Variants in QKI observed in about 807,000 individuals in gnomAD.
QKI encodes the protein KH domain-containing RNA-binding protein QKI.
A neutral mutation model predicts 39.0 loss-of-function variants in QKI; 10 were observed. The ratio of observed to expected loss-of-function variants is 0.26; its 90% CI spans 0.16 to 0.43. The LOEUF (loss-of-function observed/expected upper bound fraction) is 0.43. Ranked by LOEUF, QKI falls within the 20% of genes least tolerant of loss-of-function variation. The pLI, the probability that QKI is intolerant of heterozygous loss-of-function variation, is 1.00. For synonymous variants in QKI, 204 were observed against 155.4 expected, an observed-to-expected ratio of 1.31 and a Z score of -2.33; for missense variants, 218 against 428.0, an observed-to-expected ratio of 0.51 and a Z score of 4.33.
At chr6:163,466,016 T>C (rs529080683) in intron 2 of QKI, among the ~76,000 whole-genome samples, 2 of 151,498 alleles carry the variant, frequency 1.3e-5, no homozygotes, top group African/African-American at 4.9e-5. Flanking sequence ...TCCCAGCTAC[T>C]TGGAAAGCTG....
At chr6:163,478,180 C>T (rs1022246165) in intron 2 of QKI, among the ~76,000 whole-genome samples, 2 of 151,974 alleles carry the variant, frequency 1.3e-5, no homozygotes, top group Non-Finnish European at 2.9e-5. Flanking sequence ...TTATTGATAT[C>T]ACTGGCCTAT....
intron 3 of QKI, among the ~76,000 whole-genome samples, chr6:163,534,732 T>C (rs1781087105): frequency 1.3e-5 from 2 of 152,250 alleles, no homozygotes; most frequent in Non-Finnish European, 2.9e-5. Flanking sequence ...GGCTGATCTT[T>C]AGCATCTGGT....
At chr6:163,458,088 G>T (rs1482902204) in intron 2 of QKI, among the ~76,000 whole-genome samples, 1 of 152,138 alleles carries the variant, frequency 6.6e-6, no homozygotes, top group South Asian at 2.1e-4. Context: ...AAGATGTGAG[G>T]TTAGAGAGTT....
At chr6:163,418,576 A>G (rs1362743368) in intron 1 of QKI, among the ~76,000 whole-genome samples, 3 of 152,112 alleles carry the variant, frequency 2.0e-5, no homozygotes, top group African/African-American at 7.2e-5. Context: ...AGTTGTGAAT[A>G]CATTTTAGGT....
At chr6:163,561,937 T>C (rs1160538880) in intron 4 of QKI, 45 bp from the exon 5 acceptor site, 2 of 1,427,122 alleles carry the variant, frequency 1.4e-6, no homozygotes, top group Non-Finnish European at 2.0e-6. Context: ...ATTATATTTG[T>C]GGACAGTCTC....
chr6:163,506,777 GTTAATTGCTAGAATTTTTAATATCT>G (rs1228723127), intron 3 of QKI, among the ~76,000 whole-genome samples: 1 of 152,104 alleles, frequency 6.6e-6, no homozygotes, highest in Non-Finnish European at 1.5e-5. Flanking sequence ...GTATATTTGA[GTTAATTGCTAGAATTTTTAATATCT>G]CCTATTGAAT....
At chr6:163,418,752 A>T (rs1254224862) in intron 1 of QKI, among the ~76,000 whole-genome samples, 1 of 152,170 alleles carries the variant, frequency 6.6e-6, no homozygotes, top group Non-Finnish European at 1.5e-5. Flanking sequence ...GGTTTTTAAA[A>T]AAACAGACTT....
chr6:163,472,426 C>T (rs561478366), intron 2 of QKI, among the ~76,000 whole-genome samples: 1 of 152,124 alleles, frequency 6.6e-6, no homozygotes, highest in African/African-American at 2.4e-5. Flanking sequence ...GGAGGGGTGT[C>T]ATACTTGGTG....
intron 1 of QKI, among the ~76,000 whole-genome samples, chr6:163,416,918 A>AG (rs1787557845): frequency 9.4e-5 from 1 of 10,586 alleles, no homozygotes; most frequent in East Asian, 1.9e-3. Context: ...GGAATGTCAA[A>AG]AAAAAAAAAA....
chr6:163,472,144 C>T (rs1307024426), intron 2 of QKI, among the ~76,000 whole-genome samples: 2 of 152,088 alleles, frequency 1.3e-5, no homozygotes, highest in African/African-American at 2.4e-5. Context: ...GACTGGAAGC[C>T]TTACCGATAA....
chr6:163,432,232 T>C (rs1788889174), intron 1 of QKI, among the ~76,000 whole-genome samples: 1 of 152,216 alleles, frequency 6.6e-6, no homozygotes, highest in Admixed American at 6.5e-5. Flanking sequence ...CACAGTCATA[T>C]TATCATTAAA....
intron 3 of QKI, among the ~76,000 whole-genome samples, chr6:163,520,151 G>A (rs1223012122): frequency 6.6e-6 from 1 of 152,076 alleles, no homozygotes; most frequent in East Asian, 1.9e-4. Context: ...TCTGAAACTT[G>A]AACATACTTG....
intron 1 of QKI, among the ~76,000 whole-genome samples, chr6:163,435,392 A>G (rs190513225): frequency 1.4e-4 from 22 of 152,340 alleles, no homozygotes; most frequent in African/African-American, 3.8e-4. Context: ...GCAAACTGGC[A>G]GCCTAATGGA....
At chr6:163,434,270 A>G (rs753915210) in intron 1 of QKI, among the ~76,000 whole-genome samples, 13 of 152,186 alleles carry the variant, frequency 8.5e-5, no homozygotes, top group Non-Finnish European at 1.8e-4. Context: ...GGAAGATGGC[A>G]GTTTCTTCTA....
intron 6 of QKI, chr6:163,564,748 A>G: frequency 6.2e-7 from 1 of 1,613,956 alleles, no homozygotes; most frequent in South Asian, 1.1e-5. Flanking sequence ...CAGCTGTTAT[A>G]ACACGACCAG....
At chr6:163,427,238 C>T (rs1424551555) in intron 1 of QKI, among the ~76,000 whole-genome samples, 3 of 127,684 alleles carry the variant, frequency 2.3e-5, no homozygotes, top group East Asian at 5.3e-4. Context: ...ATTTTATACT[C>T]GTACCTTTTT....
At chr6:163,530,265 C>T (rs192476058) in intron 3 of QKI, among the ~76,000 whole-genome samples, 78 of 152,228 alleles carry the variant, frequency 5.1e-4, no homozygotes, top group Non-Finnish European at 8.7e-4. Context: ...TTTTGGTGTG[C>T]GTCCATATCA....
chr6:163,420,801 A>G (rs73787639), intron 1 of QKI, among the ~76,000 whole-genome samples: 4,749 of 152,304 alleles, frequency 0.031, 239 homozygotes, highest in African/African-American at 0.11. Context: ...ATAAACTTTT[A>G]TGGTGAATAT....
intron 3 of QKI, among the ~76,000 whole-genome samples, chr6:163,513,997 C>T (rs1299211630): frequency 2.6e-5 from 4 of 152,054 alleles, no homozygotes; most frequent in Admixed American, 6.5e-5. Flanking sequence ...AATTCTTGAG[C>T]AAGAAGCAGA....
Sources: gnomAD v4.1 joint callset for allele counts (sites outside exome capture counted in the v4.1 genomes callset) on GRCh38, gnomAD v4.1.1 for gene constraint, MANE v1.5 for transcripts, NCBI Gene and HGNC (gene_info 2026-07-23, HGNC 2026-07-21) for gene names.